POLR2C: variants seen among roughly 807,000 people sequenced by gnomAD.
POLR2C encodes the protein RNA polymerase II subunit C.
In POLR2C, 36 loss-of-function variants were observed where a neutral mutation model predicts 41.7. The observed-to-expected ratio is 0.86, with a 90% CI of 0.66 to 1.14. The LOEUF is 1.14. POLR2C is among the 50% of genes most tolerant of loss of function. The probability of loss-of-function intolerance (pLI) is 0.00; values close to 1 mark genes in which losing one functional copy is unlikely to be tolerated. For synonymous variants in POLR2C, 133 were observed against 137.8 expected (o/e 0.96, Z 0.25); for missense variants, 260 against 350.4 (o/e 0.74, Z 2.06).
Position 57,469,088 on chromosome 16 carries a change from C to A in POLR2C, c.259-77C>A. On this transcript the variant is annotated intron_variant, in intron 4 of 8. Transcript: ENST00000219252. This position sits in a 1 kb window ranked among gnomAD's most constrained non-coding sequence, Gnocchi z 5.8. ...AACTTAAGGAACTGGGCATTAGATG[C>A]AGGAAGCCAAGACAAGGAGCCAAGG... The A allele has an allele frequency of 1.4e-6, 2 of 1,468,788 alleles. No individual in the cohort carries two copies. The highest frequency in any genetic ancestry group is 1.2e-5 in the South Asian group (1 of 83,376). 91.0% of individuals were successfully genotyped at this position (1,468,788 alleles called of 1,614,324 possible).
Position 57,469,845 on chromosome 16 carries a change from A to C in POLR2C, c.439+84A>C, listed in dbSNP as rs2030786016. 1 of 1,580,052 alleles carries C rather than the reference A, an allele frequency of 6.3e-7. No homozygotes were observed. Among genetic ancestry groups the C allele is most frequent in the Admixed American group, 1.7e-5 (1 of 59,922 alleles). On this transcript the variant is annotated intron_variant, in intron 6 of 8. Transcript: ENST00000219252. The surrounding 1 kb of genome is among the most constrained non-coding windows in gnomAD (Gnocchi z 5.8). ...CTCTCGTGCTGCCTGGTCTCCTCGA[A>C]AATTGGCTTTAGACCGTTTTTCCAG... is the stretch of plus-strand genomic sequence containing the variant.
intron 4 of POLR2C, among the ~76,000 whole-genome samples, chr16:57,467,102 G>A (rs1312657539): frequency 6.6e-6 from 1 of 151,986 alleles, no homozygotes; most frequent in Admixed American, 6.6e-5. Context: ...GCGTGGTCCC[G>A]CTCCCAAGTA....
At chr16:57,465,929 A>T (rs223839) in intron 2 of POLR2C, 24 bp from the exon 3 acceptor site, 4 of 1,497,620 alleles carry the variant, frequency 2.7e-6, no homozygotes, top group Non-Finnish European at 3.7e-6. Context: ...GCTAAACTCC[A>T]TGTCTGCTTC....
chr16:57,469,873 G>T lies in POLR2C; in HGVS notation c.440-88G>T. 6.3e-7 allele frequency: 1 copy of T among 1,579,028 alleles called. No individual in the cohort carries two copies. Among genetic ancestry groups the T allele is most frequent in the Non-Finnish European group, 8.7e-7 (1 of 1,148,606 alleles). On this transcript the variant is annotated intron_variant, in intron 6 of 8. Coordinates refer to ENST00000219252, the MANE Select transcript of POLR2C (RefSeq NM_032940.3). This position sits in a 1 kb window ranked among gnomAD's most constrained non-coding sequence, Gnocchi z 5.8. ...TTGGCTTTAGACCGTTTTTCCAGAT[G>T]TGTGTGGTCTTGCAGTGGCACTCCA...
chr16:57,463,710 A>C (rs2030637642), intron 2 of POLR2C: 9 of 444,894 alleles, frequency 2.0e-5, no homozygotes, highest in Admixed American at 1.7e-4. Flanking sequence ...TTGGGAGGCC[A>C]AGACTGAGGA....
rs2146603795 is a variant in POLR2C at position 57,469,842 on chromosome 16, C to T, written c.439+81C>T. The T allele has an allele frequency of 3.8e-6, 6 of 1,571,688 alleles. No homozygotes were observed. The highest frequency in any genetic ancestry group is 2.2e-5 in the East Asian group (1 of 44,658). ...AGCCTCTCGTGCTGCCTGGTCTCCT[C>T]GAAAATTGGCTTTAGACCGTTTTTC... On this transcript the variant is annotated intron_variant, in intron 6 of 8. Coordinates refer to ENST00000219252, the MANE Select transcript of POLR2C (RefSeq NM_032940.3). This position sits in a 1 kb window ranked among gnomAD's most constrained non-coding sequence, Gnocchi z 5.8.
chr16:57,463,698 C>CT, intron 2 of POLR2C: 1 of 451,338 alleles, frequency 2.2e-6, no homozygotes, highest in South Asian at 1.6e-5. Context: ...AATTCCAGCA[C>CT]TTTGGGAGGC....
At chr16:57,464,286 G>C (rs1365331054) in intron 2 of POLR2C, among the ~76,000 whole-genome samples, 1 of 152,230 alleles carries the variant, frequency 6.6e-6, no homozygotes, top group Non-Finnish European at 1.5e-5. Context: ...ATGCAAAGCT[G>C]TAGAGAACAG....
At chr16:57,465,125 G>T (rs945148348) in intron 2 of POLR2C, among the ~76,000 whole-genome samples, 2 of 152,144 alleles carry the variant, frequency 1.3e-5, no homozygotes, top group Non-Finnish European at 2.9e-5. Context: ...TGGAGGGAAG[G>T]GCTGGGGGAT....
chr16:57,463,209 G>A, intron 2 of POLR2C, 131 bp downstream of exon 2: 2 of 803,392 alleles, frequency 2.5e-6, no homozygotes, highest in Non-Finnish European at 2.1e-6. Context: ...GTGCATTGCT[G>A]GAGACTTGAC....
intron 2 of POLR2C, among the ~76,000 whole-genome samples, chr16:57,465,284 G>T (rs1375330953): frequency 6.6e-6 from 1 of 152,142 alleles, no homozygotes; most frequent in Non-Finnish European, 1.5e-5. Flanking sequence ...TCCCTCGTTT[G>T]GCAGTTGGGC....
intron 2 of POLR2C, chr16:57,463,964 A>G (rs2030643387): frequency 6.0e-6 from 1 of 165,480 alleles, no homozygotes; most frequent in Admixed American, 6.5e-5. Flanking sequence ...AAAAAAGAAG[A>G]TAGTGGCTTC....
chr16:57,470,444 C>T lies in POLR2C; in HGVS notation c.683+90C>T, dbSNP rs2030806629. The T allele has an allele frequency of 3.3e-6, 3 of 911,490 alleles. No homozygotes were observed. In the African/African-American group the frequency reaches 5.0e-5, roughly 15 times the overall value. The allele number at this position is 911,490 out of a possible 1,614,324, so 56.5% of individuals were successfully genotyped here. ...TGAGTTAGGCATTCCCTCTCCCCCA[C>T]CTCGCAGTTCTCATAAGCTGAGGAG... is the stretch of plus-strand genomic sequence containing the variant. On this transcript the variant is annotated intron_variant, in intron 8 of 8. Coordinates refer to ENST00000219252, the MANE Select transcript of POLR2C (RefSeq NM_032940.3).
chr16:57,463,252 C>T (rs1362893309), intron 2 of POLR2C, 174 bp downstream of exon 2: 1 of 653,044 alleles, frequency 1.5e-6, no homozygotes, highest in Non-Finnish European at 2.8e-6. Flanking sequence ...GTGGCCGCCT[C>T]CCTGGCGCCC....
At chr16:57,466,990 T>C (rs995754521) in intron 4 of POLR2C, among the ~76,000 whole-genome samples, 1 of 152,200 alleles carries the variant, frequency 6.6e-6, no homozygotes, top group Admixed American at 6.5e-5. Flanking sequence ...TCCCAGCACT[T>C]TGGGAGGCCG....
chr16:57,463,217 G>A (rs2146597601), intron 2 of POLR2C, 139 bp downstream of exon 2: 2 of 763,322 alleles, frequency 2.6e-6, no homozygotes, highest in Non-Finnish European at 4.6e-6. Flanking sequence ...CTGGAGACTT[G>A]ACCATACCCT....
At position 57,470,367 on chromosome 16, in the gene POLR2C, T is replaced by C. The variant is rs2030802629; in HGVS notation, c.683+13T>C. On this transcript the variant is annotated intron_variant, in intron 8 of 8. Coordinates refer to ENST00000219252, the MANE Select transcript of POLR2C (RefSeq NM_032940.3). The stretch of plus-strand genomic sequence containing the variant: ...GCAAGCCAGAAAGGTAAGAGCCTGG[T>C]TGGACATGGGAAGGTGAAGTGTGGA... The C allele has an allele frequency of 1.3e-6, 2 of 1,589,716 alleles. No individual in the cohort carries two copies. The highest frequency in any genetic ancestry group is 1.7e-6 in the Non-Finnish European group (2 of 1,166,028).
At chr16:57,467,547 A>C (rs1310879247) in intron 4 of POLR2C, among the ~76,000 whole-genome samples, 1 of 152,182 alleles carries the variant, frequency 6.6e-6, no homozygotes, top group African/African-American at 2.4e-5. Context: ...GCTTTTTCTG[A>C]AAATCTGTAG....
intron 4 of POLR2C, among the ~76,000 whole-genome samples, chr16:57,468,017 T>G (rs1287934288): frequency 2.0e-5 from 3 of 152,144 alleles, no homozygotes; most frequent in Admixed American, 1.3e-4. Flanking sequence ...TTTCTTTATT[T>G]TTCTATTTTT....
Sources: allele counts gnomAD v4.1 joint callset (sites outside exome capture counted in the v4.1 genomes callset), GRCh38; gene constraint gnomAD v4.1.1; non-coding constraint Gnocchi (gnomAD v3.1); transcripts MANE v1.5; gene names NCBI Gene and HGNC (gene_info 2026-07-23, HGNC 2026-07-21).